Variants in RIF1 observed in about 807,000 individuals in gnomAD.
RIF1 encodes replication timing regulatory factor 1.
Under a neutral mutation model 247.1 loss-of-function variants are expected in RIF1, and 45 were observed. The ratio of observed to expected loss-of-function variants is 0.18; its 90% confidence interval spans 0.14 to 0.23. RIF1 has a LOEUF of 0.23. RIF1 is among the 10% of genes least tolerant of loss of function. The pLI, the probability that RIF1 is intolerant of heterozygous loss-of-function variation, is 1.00. For synonymous variants in RIF1, 1,087 were observed against 978.8 expected (o/e 1.11, Z -2.06); for missense variants, 2,967 against 2,862.5 (o/e 1.04, Z -0.83).
chr2:151,453,560 A>G (rs920108104), intron 21 of RIF1, among the ~76,000 whole-genome samples: 2 of 146,260 alleles, frequency 1.4e-5, no homozygotes, highest in African/African-American at 5.1e-5. Flanking sequence ...AGCCTGGGCA[A>G]CAGAGCTAGA....
At chr2:151,466,347 T>C (rs965927258) in intron 30 of RIF1, among the ~76,000 whole-genome samples, 3 of 152,242 alleles carry the variant, frequency 2.0e-5, no homozygotes, top group African/African-American at 4.8e-5. Context: ...AAGATCTTTA[T>C]GCAGCTGTGC....
downstream of RIF1, among the ~76,000 whole-genome samples, chr2:151,484,348 C>A (rs999340384): frequency 2.6e-5 from 4 of 152,232 alleles, no homozygotes; most frequent in East Asian, 7.7e-4. Context: ...GTAATCCCAG[C>A]ACTTTGGGAG....
chr2:151,414,391 T>A (rs1295182146), intron 3 of RIF1, among the ~76,000 whole-genome samples: 1 of 152,222 alleles, frequency 6.6e-6, no homozygotes, highest in Non-Finnish European at 1.5e-5. Flanking sequence ...AATAGATACT[T>A]TATAAACGTT....
At chr2:151,433,639 T>C (rs921633044) in intron 10 of RIF1, among the ~76,000 whole-genome samples, 1 of 151,798 alleles carries the variant, frequency 6.6e-6, no homozygotes, top group Admixed American at 6.6e-5. Context: ...TTTTTTAGTG[T>C]AGATAGGGTT....
chr2:151,506,395 A>G, intron 13 of RIF1: 1 of 659,430 alleles, frequency 1.5e-6, no homozygotes, highest in Non-Finnish European at 2.7e-6. Context: ...AGAGCATCGC[A>G]CCTGACATTT....
chr2:151,464,604 G>A lies in RIF1; in HGVS notation c.5084G>A (p.Gly1695Glu), dbSNP rs763475054. 4 of 1,613,638 alleles carry A rather than the reference G, an allele frequency of 2.5e-6. No homozygotes were observed. The South Asian group carries it at 4.4e-5, about 18-fold the overall frequency. Residue 1695 changes from glycine to glutamate, a missense_variant, in exon 30 of 36, where the codon GGA becomes GAA. Transcript: ENST00000444746. Reference protein sequence around the residue: ...KRDSFDNCSLGESSKIGISDI... With the variant: ...KRDSFDNCSLEESSKIGISDI... ...GACTCTTTTGATAATTGTAGTTTGG[G>A]AGAATCCTCAAAAATAGGGATATCA...
intron 11 of RIF1, among the ~76,000 whole-genome samples, chr2:151,502,296 C>T (rs2065236115): frequency 6.6e-6 from 1 of 151,578 alleles, no homozygotes; most frequent in South Asian, 2.1e-4. Flanking sequence ...ATGGGTGCAC[C>T]AAAATCTCAC....
rs779666909 is a variant in RIF1, at chr2:151,458,764, C to T, written c.2856-47C>T. ...GTTGTTAACAGATCATCAGTGTTCA[C>T]CAGTACTACTTGACTTAAGGTATAT... On this transcript the variant is annotated intron_variant, in intron 24 of 35. Coordinates refer to ENST00000444746, the MANE Select transcript of RIF1 (RefSeq NM_018151.5). 17 of 1,050,378 alleles carry T rather than the reference C, an allele frequency of 1.6e-5. No individual in the cohort carries two copies. The Admixed American group carries it at 2.2e-4, about 14-fold the overall frequency. The allele number at this position is 1,050,378 out of a possible 1,614,324, so 65.1% of individuals were successfully genotyped here.
At chr2:151,456,360 T>C (rs888889834) in intron 22 of RIF1, among the ~76,000 whole-genome samples, 1 of 152,242 alleles carries the variant, frequency 6.6e-6, no homozygotes, top group Non-Finnish European at 1.5e-5. Flanking sequence ...TTGAGGTTTA[T>C]TGTAGATATT....
chr2:151,458,711 A>G (rs1695638139), intron 24 of RIF1, 100 bp from the exon 25 acceptor site: 3 of 509,500 alleles, frequency 5.9e-6, no homozygotes, highest in Non-Finnish European at 1.0e-5. Context: ...ATAAAGATGT[A>G]TTTTGCTGCT....
At chr2:151,516,444 G>T in the RIF1 span, 2 of 1,567,454 alleles carry the variant, frequency 1.3e-6, no homozygotes, top group Non-Finnish European at 1.8e-6. Flanking sequence ...GTGTGGTGTG[G>T]TTTTTTTGAC....
At chr2:151,415,020 G>A in intron 4 of RIF1, 101 bp downstream of exon 4, 1 of 723,196 alleles carries the variant, frequency 1.4e-6, no homozygotes, top group South Asian at 1.9e-5. Flanking sequence ...GTCTGGATTA[G>A]TTTCAGAACC....
rs149293885 is a variant in RIF1 at position 151,464,039 on chromosome 2, G to C, written c.4519G>C (p.Asp1507His). The C allele has an allele frequency of 6.2e-7, 1 of 1,610,932 alleles. No homozygotes were observed. The change falls in exon 30 of 36, where the codon GAC becomes CAC. Residue 1507 changes from aspartate to histidine, a missense_variant. Asp to His is a moderately conservative substitution (Grantham distance 81). Transcript: ENST00000444746. ...AACTGAACAAAATAAAAAAAAGGCA[G>C]ACCCTGAGAACATTAAGTCTGAGGG... ...AETEQNKKKA[D>H]PENIKSEGDG...
chr2:151,414,746 C>T (rs1359376528), intron 3 of RIF1, 77 bp from the exon 4 acceptor site: 24 of 925,364 alleles, frequency 2.6e-5, no homozygotes, highest in Non-Finnish European at 3.9e-5. Context: ...TATGCTTGTT[C>T]TGTAATCAAC....
rs931858989 is a variant in RIF1, at chr2:151,500,895, G to C, written c.*709+1355G>C. ...GTGACAGGTGTGAGCCACCACGCCT[G>C]GCCCCAAATAAGATTTCTTTTGGTT... On this transcript the variant is annotated intron_variant and NMD_transcript_variant, in intron 11 of 13. Coordinates refer to the RIF1 transcript ENST00000454583. Among the ~76,000 whole-genome samples the C allele has an allele frequency of 3.3e-5, 5 of 151,986 alleles. No individual in the cohort carries two copies. The East Asian group carries it at 9.7e-4, about 29-fold the overall frequency.
At chr2:151,502,383 A>C (rs571070175) in intron 11 of RIF1, among the ~76,000 whole-genome samples, 1 of 100,168 alleles carries the variant, frequency 1.0e-5, no homozygotes, top group Admixed American at 1.3e-4. Flanking sequence ...TAAACATCTA[A>C]ACATAAAAAA....
At position 151,410,409 on chromosome 2, in the gene RIF1, C is replaced by G. The variant is rs755130340; in HGVS notation, c.-10-5C>G. ...GATTTTCTCCTCTTCCGGTTCGGGC[C>G]TCAGGGTGGCCGACATGACGGCCAG... On this transcript the variant is annotated splice_polypyrimidine_tract_variant and splice_region_variant and intron_variant, in intron 1 of 35. Coordinates refer to ENST00000444746, the MANE Select transcript of RIF1 (RefSeq NM_018151.5). 4.3e-6 allele frequency: 7 copies of G among 1,611,066 alleles called. No homozygotes were observed. The South Asian group carries it at 7.7e-5, about 18-fold the overall frequency.
chr2:151,513,816 T>C, the RIF1 span: 10 of 702,976 alleles, frequency 1.4e-5, no homozygotes, highest in Admixed American at 2.4e-5. Context: ...TGTCGCTTGC[T>C]ACTCTTCACC....
the RIF1 span, chr2:151,525,140 G>A: frequency 5.2e-6 from 8 of 1,533,072 alleles, no homozygotes; most frequent in East Asian, 2.2e-5. Context: ...GGGCCCCCAA[G>A]AGTGTTGAGA....
Sources: gnomAD v4.1 joint callset for allele counts (sites outside exome capture counted in the v4.1 genomes callset) on GRCh38, gnomAD v4.1.1 for gene constraint, MANE v1.5 for transcripts, NCBI Gene and HGNC (gene_info 2026-07-23, HGNC 2026-07-21) for gene names.